The following BBIP1 variants were observed in gnomAD, a reference collection of about 807,000 sequenced individuals.
BBIP1 encodes the protein BBSome-interacting protein 1.
BBIP1 carries 6 observed loss-of-function variants against 8.9 expected under a neutral mutation model. The observed-to-expected ratio is 0.67, with a 90% CI of 0.37 to 1.33. The LOEUF (loss-of-function observed/expected upper bound fraction) is 1.33, where lower values mean the gene tolerates loss of function less well. Ranked by LOEUF, BBIP1 falls within the 40% of genes most tolerant of loss-of-function variation. The pLI is 0.02. For synonymous variants in BBIP1, 32 were observed against 33.4 expected, an observed-to-expected ratio of 0.96 and a Z score of 0.14; for missense variants, 111 against 109.2, an observed-to-expected ratio of 1.02 and a Z score of -0.07.
rs1161567324 is a variant in BBIP1, at chr10:110,901,580, C to G, written c.70G>C (p.Ala24Pro). Reference sequence around the variant, plus strand: ...TCCCGGAACATTGACTTCACTTCTGCCATATCTGAGTTGTTGGATATAGTG... The same window carrying G: ...TCCCGGAACATTGACTTCACTTCTGGCATATCTGAGTTGTTGGATATAGTG... ...KNTISNNSDMAEVKSMFREVL... is the reference protein window; with the variant it reads ...KNTISNNSDMPEVKSMFREVL... Residue 24 changes from alanine to proline, a missense_variant, in exon 3 of 4, where the codon GCA becomes CCA. Physicochemically the swap from Ala to Pro is conservative, Grantham distance 27. Coordinates refer to ENST00000448814, the MANE Select transcript of BBIP1 (RefSeq NM_001195305.3). 25 of 1,535,488 alleles carry G rather than the reference C, an allele frequency of 1.6e-5. No homozygotes were observed. Among genetic ancestry groups the G allele is most frequent in the Admixed American group, 2.0e-5 (1 of 50,978 alleles).
intron 3 of BBIP1, chr10:110,901,313 T>C: frequency 1.9e-6 from 1 of 533,040 alleles, no homozygotes; most frequent in Admixed American, 3.2e-5. Context: ...TTAGGAATTT[T>C]AGGAATTAGC....
At chr10:110,915,292 G>A (rs1366047800) in intron 2 of BBIP1, among the ~76,000 whole-genome samples, 3 of 151,998 alleles carry the variant, frequency 2.0e-5, no homozygotes, top group East Asian at 1.9e-4. Context: ...AGGTAGCTGC[G>A]ACTACAGGAA....
At chr10:110,905,988 G>A (rs543747376) in intron 2 of BBIP1, among the ~76,000 whole-genome samples, 4 of 142,746 alleles carry the variant, frequency 2.8e-5, no homozygotes, top group East Asian at 2.1e-4. Context: ...TTATTCTAGT[G>A]TAACGTATTT....
intron 3 of BBIP1, 83 bp downstream of exon 3, chr10:110,901,455 C>G (rs1426399777): frequency 7.7e-6 from 7 of 910,108 alleles, no homozygotes; most frequent in Non-Finnish European, 1.2e-5. Context: ...AGATGTTTAG[C>G]TATTAAGCCT....
chr10:110,914,947 T>C (rs891240312), intron 2 of BBIP1, among the ~76,000 whole-genome samples: 1 of 152,174 alleles, frequency 6.6e-6, no homozygotes, highest in African/African-American at 2.4e-5. Context: ...GCTATTAACC[T>C]TTTAAAAAAA....
At chr10:110,915,814 G>T (rs540891232) in intron 2 of BBIP1, among the ~76,000 whole-genome samples, 1 of 152,156 alleles carries the variant, frequency 6.6e-6, no homozygotes, top group East Asian at 1.9e-4. Flanking sequence ...AGTGATTCTG[G>T]TGCCTCAGCC....
rs982682708 is a variant in BBIP1, at chr10:110,900,469, G to A, written c.170C>T (p.Pro57Leu). 1 of 1,535,610 alleles carries A rather than the reference G, an allele frequency of 6.5e-7. No homozygotes were observed. Among genetic ancestry groups the A allele is most frequent in the South Asian group, 1.2e-5 (1 of 84,036 alleles). Residue 57 changes from proline to leucine, a missense_variant, in exon 4 of 4, where the codon CCC becomes CTC. Pro to Leu is a moderately conservative substitution (Grantham distance 98). Coordinates refer to ENST00000448814, the MANE Select transcript of BBIP1 (RefSeq NM_001195305.3). ...TTTTTCCAGAGTCAGAGATTTTAAGGGTAAAAGTTTGGGTTTACACAGCAC... is the reference window on the plus strand; with the variant it reads ...TTTTTCCAGAGTCAGAGATTTTAAGAGTAAAAGTTTGGGTTTACACAGCAC... ...TMVLCKPKLL[P>L]LKSLTLEKLE...
Position 110,907,607 on chromosome 10 carries a change from T to G in BBIP1, c.38-5995A>C, listed in dbSNP as rs1007112104. On this transcript the variant is annotated intron_variant, in intron 2 of 3. Coordinates refer to ENST00000448814, the MANE Select transcript of BBIP1 (RefSeq NM_001195305.3). Reference sequence around the variant, plus strand: ...GCATGATGGTTTATCCACAGGTCCATTTTCTCAGGGAATGCATTATCAGCA... The same window carrying G: ...GCATGATGGTTTATCCACAGGTCCAGTTTCTCAGGGAATGCATTATCAGCA... The G allele has an allele frequency of 1.1e-5, 6 of 530,004 alleles. No homozygotes were observed. In the African/African-American group the frequency reaches 1.2e-4, roughly 10 times the overall value. The allele number at this position is 530,004 out of a possible 1,614,324, so 32.8% of individuals were successfully genotyped here. A position where few individuals can be genotyped will look rare whatever the true frequency, so the allele number is the denominator to read the frequency against.
At chr10:110,914,754 T>C (rs762516812) in intron 2 of BBIP1, among the ~76,000 whole-genome samples, 1 of 152,202 alleles carries the variant, frequency 6.6e-6, no homozygotes, top group Non-Finnish European at 1.5e-5. Context: ...TTCTGAAATG[T>C]ACCTAGGCCT....
At chr10:110,907,696 C>G in intron 2 of BBIP1, 1 of 696,186 alleles carries the variant, frequency 1.4e-6, no homozygotes, top group South Asian at 1.5e-5. Context: ...TGCTTGTATA[C>G]CCCTCCGATT....
chr10:110,918,041 A>T (rs1230518850), intron 2 of BBIP1, 80 bp downstream of exon 2: 1 of 1,280,158 alleles, frequency 7.8e-7, no homozygotes, highest in Non-Finnish European at 1.1e-6. Flanking sequence ...GTAAGTACTA[A>T]GGAAGCAGAA....
chr10:110,900,836 T>C (rs146591809), intron 3 of BBIP1: 8 of 281,586 alleles, frequency 2.8e-5, no homozygotes, highest in African/African-American at 1.8e-4. Flanking sequence ...TATATATACA[T>C]AGTGCAAAAA....
intron 2 of BBIP1, among the ~76,000 whole-genome samples, chr10:110,915,674 C>G (rs931799292): frequency 6.6e-6 from 1 of 152,044 alleles, no homozygotes; most frequent in African/African-American, 2.4e-5. Flanking sequence ...TTCTGTAACA[C>G]AATCCTTAAC....
At chr10:110,904,678 A>G (rs902629917) in intron 2 of BBIP1, 3 of 152,242 alleles carry the variant, frequency 2.0e-5, no homozygotes, top group African/African-American at 7.2e-5. Context: ...ATTGGTTCTA[A>G]AGAACACAAA....
intron 2 of BBIP1, among the ~76,000 whole-genome samples, chr10:110,915,289 T>G (rs1846375941): frequency 6.6e-6 from 1 of 152,150 alleles, no homozygotes; most frequent in Non-Finnish European, 1.5e-5. Flanking sequence ...CCCAGGTAGC[T>G]GCGACTACAG....
At chr10:110,919,298 G>A (rs1293307855), upstream of BBIP1, 11 of 329,480 alleles carry the variant, frequency 3.3e-5, no homozygotes, top group Admixed American at 2.9e-4. Context: ...ACTCTACCCT[G>A]CTGGAGGCTT....
intron 2 of BBIP1, among the ~76,000 whole-genome samples, chr10:110,915,903 C>G (rs1029628728): frequency 1.3e-5 from 2 of 152,092 alleles, no homozygotes. Context: ...GGGGTTTTGC[C>G]ATGTTGGCCA....
At chr10:110,902,807 C>T (rs939599587) in intron 2 of BBIP1, 18 of 152,208 alleles carry the variant, frequency 1.2e-4, no homozygotes, top group African/African-American at 2.9e-4. Flanking sequence ...TAAAGCAACT[C>T]ATCACTAAAT....
At chr10:110,917,554 G>A (rs1202957321) in intron 2 of BBIP1, among the ~76,000 whole-genome samples, 1 of 152,064 alleles carries the variant, frequency 6.6e-6, no homozygotes, top group Non-Finnish European at 1.5e-5. Flanking sequence ...ATAAAACACT[G>A]GGGAAAAAAA....
Sources: allele counts gnomAD v4.1 joint callset (sites outside exome capture counted in the v4.1 genomes callset), GRCh38; gene constraint gnomAD v4.1.1; transcripts MANE v1.5; gene names NCBI Gene and HGNC (gene_info 2026-07-23, HGNC 2026-07-21).